The following XKR9 variants were observed in gnomAD, a reference collection of about 807,000 sequenced individuals.
XKR9 encodes XK related 9.
XKR9 carries 32 observed loss-of-function variants against 32.0 expected under a neutral mutation model. The observed-to-expected ratio is 1.00, with a 90% CI of 0.76 to 1.34. The LOEUF (loss-of-function observed/expected upper bound fraction) is 1.34, where lower values mean the gene tolerates loss of function less well. Among genes scored for constraint, XKR9 ranks in the 40% most tolerant of loss-of-function variants. The pLI is 0.00. For synonymous variants in XKR9, 168 were observed against 143.4 expected (o/e 1.17, Z -1.22); for missense variants, 546 against 429.7 (o/e 1.27, Z -2.39).
the XKR9 span, among the ~76,000 whole-genome samples, chr8:70,851,727 C>T: frequency 6.6e-6 from 1 of 152,260 alleles, no homozygotes; most frequent in East Asian, 1.9e-4. Flanking sequence ...ACTGGCTAGC[C>T]ATATGCAGAA....
At chr8:70,813,184 C>T in the XKR9 span, among the ~76,000 whole-genome samples, 1 of 152,166 alleles carries the variant, frequency 6.6e-6, no homozygotes, top group African/African-American at 2.4e-5. Flanking sequence ...CAAAAACAAG[C>T]AATGGGGAAA....
chr8:70,765,805 G>A (rs1430810254), intron 2 of XKR9, among the ~76,000 whole-genome samples: 1 of 152,158 alleles, frequency 6.6e-6, no homozygotes, highest in Admixed American at 6.5e-5. Context: ...AAGGGGTCCA[G>A]TTTCAGTTTT....
chr8:70,820,942 C>A, the XKR9 span, among the ~76,000 whole-genome samples: 1 of 152,146 alleles, frequency 6.6e-6, no homozygotes, highest in African/African-American at 2.4e-5. Context: ...ATGTCCCTTT[C>A]ACATTTTAAA....
At chr8:70,956,287 C>T in the XKR9 span, among the ~76,000 whole-genome samples, 7 of 152,114 alleles carry the variant, frequency 4.6e-5, no homozygotes, top group African/African-American at 1.7e-4. Flanking sequence ...TGGTTAGCTC[C>T]TATCTGCAGG....
rs565997771 is a variant in XKR9 at position 70,745,688 on chromosome 8, A to C, written n.352+38535A>C. 2.6e-5 allele frequency among the ~76,000 whole-genome samples: 4 copies of C among 152,322 alleles called. No homozygotes were observed. The South Asian group carries it at 8.3e-4, about 32-fold the overall frequency. On this transcript the variant is annotated intron_variant and non_coding_transcript_variant, in intron 2 of 3. Coordinates refer to the XKR9 transcript ENST00000520273. The stretch of plus-strand genomic sequence containing the variant: ...GCTATCAGTTAATAATTAGTTTCAA[A>C]ACAGCCACTAGAGGGCAATGGAACC...
chr8:70,800,617 G>T, the XKR9 span, among the ~76,000 whole-genome samples: 1 of 152,050 alleles, frequency 6.6e-6, no homozygotes, highest in East Asian at 1.9e-4. Flanking sequence ...TCCCAAGTAG[G>T]TGGGATTACA....
At chr8:70,944,195 T>G in the XKR9 span, among the ~76,000 whole-genome samples, 2 of 152,156 alleles carry the variant, frequency 1.3e-5, no homozygotes, top group Admixed American at 1.3e-4. Flanking sequence ...AACCAGATAT[T>G]TATTTGAGGA....
At chr8:70,942,497 G>T in the XKR9 span, among the ~76,000 whole-genome samples, 1 of 152,082 alleles carries the variant, frequency 6.6e-6, no homozygotes, top group African/African-American at 2.4e-5. Flanking sequence ...TGGGTGAATT[G>T]GGGAAAATCC....
the XKR9 span, among the ~76,000 whole-genome samples, chr8:70,952,187 C>CAG: frequency 7.1e-6 from 1 of 140,090 alleles, no homozygotes; most frequent in African/African-American, 2.6e-5. Context: ...CACACACACA[C>CAG]AGTACTCTTA....
chr8:70,686,486 C>A (rs1819283818), intron 3 of XKR9, among the ~76,000 whole-genome samples: 1 of 151,830 alleles, frequency 6.6e-6, no homozygotes, highest in Non-Finnish European at 1.5e-5. Context: ...CTCTGTTGCC[C>A]AGGCTGGAGT....
At chr8:70,677,640 G>C (rs954149438) in intron 2 of XKR9, among the ~76,000 whole-genome samples, 1 of 152,136 alleles carries the variant, frequency 6.6e-6, no homozygotes, top group African/African-American at 2.4e-5. Context: ...TTCAGATACT[G>C]TGTAAGTATA....
the XKR9 span, among the ~76,000 whole-genome samples, chr8:70,881,695 AAGACAATGTGGCTTTTCCTCG>A: frequency 2.9e-4 from 44 of 152,302 alleles, no homozygotes; most frequent in African/African-American, 9.9e-4. Flanking sequence ...ACCATTGTGG[AAGACAATGTGGCTTTTCCTCG>A]AGGATATAGA....
At chr8:70,785,891 A>AT (rs1326155766) in intron 2 of XKR9, among the ~76,000 whole-genome samples, 2 of 151,784 alleles carry the variant, frequency 1.3e-5, no homozygotes, top group East Asian at 3.9e-4. Context: ...TGGCATGATC[A>AT]TATCTCACTA....
intron 2 of XKR9, among the ~76,000 whole-genome samples, chr8:70,760,088 A>C (rs7838421): frequency 0.54 from 81,885 of 152,014 alleles, 23,025 homozygotes; most frequent in Middle Eastern, 0.62. Context: ...AATCTAATGA[A>C]CTTTAAAAAT....
the XKR9 span, among the ~76,000 whole-genome samples, chr8:71,065,725 G>A: frequency 1.2e-3 from 187 of 152,282 alleles, no homozygotes; most frequent in Admixed American, 4.6e-4. Context: ...GTGTGATCTT[G>A]TCTTGGGCAA....
intron 3 of XKR9, among the ~76,000 whole-genome samples, chr8:70,685,028 A>G (rs975634731): frequency 1.4e-5 from 2 of 146,574 alleles, no homozygotes; most frequent in African/African-American, 2.5e-5. Flanking sequence ...TCATGCTGCT[A>G]TAAAGACACG....
chr8:70,692,682 G>A (rs6988596), intron 3 of XKR9, among the ~76,000 whole-genome samples: 61,234 of 151,862 alleles, frequency 0.4, 13,880 homozygotes, highest in Non-Finnish European at 0.52. Flanking sequence ...AGGTTCAAGC[G>A]ATTCTCCTGC....
At chr8:70,872,598 A>G in the XKR9 span, among the ~76,000 whole-genome samples, 7 of 152,304 alleles carry the variant, frequency 4.6e-5, no homozygotes, top group African/African-American at 1.7e-4. Flanking sequence ...ATAAAGGAGA[A>G]ATCAATGCCT....
At chr8:70,877,128 G>A in the XKR9 span, among the ~76,000 whole-genome samples, 1 of 152,104 alleles carries the variant, frequency 6.6e-6, no homozygotes, top group Non-Finnish European at 1.5e-5. Flanking sequence ...GGGTGGCAAG[G>A]AGAGAGAATG....
Sources: allele counts gnomAD v4.1 joint callset (sites outside exome capture counted in the v4.1 genomes callset), GRCh38; gene constraint gnomAD v4.1.1; transcripts MANE v1.5; gene names NCBI Gene and HGNC (gene_info 2026-07-23, HGNC 2026-07-21).